Variants in FBXL17 observed in about 807,000 individuals in gnomAD.
The protein encoded by FBXL17 is F-box and leucine rich repeat protein 17.
FBXL17 carries 22 observed loss-of-function variants against 66.2 expected under a neutral mutation model. That is an observed-to-expected ratio of 0.33 (90% confidence interval 0.24 to 0.47). The LOEUF is 0.47. Among genes scored for constraint, FBXL17 ranks in the 20% least tolerant of loss-of-function variants. The pLI is 1.00. For synonymous variants in FBXL17, 474 were observed against 400.5 expected, an observed-to-expected ratio of 1.18 and a Z score of -2.19; for missense variants, 878 against 948.2, an observed-to-expected ratio of 0.93 and a Z score of 0.97.
chr5:108,157,949 A>C (rs1361867655), intron 6 of FBXL17, among the ~76,000 whole-genome samples: 1 of 152,074 alleles, frequency 6.6e-6, no homozygotes, highest in African/African-American at 2.4e-5. Flanking sequence ...AAGAAAAAGA[A>C]AAGAGGGAAA....
intron 7 of FBXL17, among the ~76,000 whole-genome samples, chr5:107,989,980 C>T (rs1002060267): frequency 6.6e-6 from 1 of 152,194 alleles, no homozygotes; most frequent in African/African-American, 2.4e-5. Context: ...TTCTCTTCCC[C>T]TAACCCCTTT....
intron 5 of FBXL17, among the ~76,000 whole-genome samples, chr5:108,214,158 A>T (rs1020574887): frequency 1.3e-5 from 2 of 152,152 alleles, no homozygotes; most frequent in African/African-American, 4.8e-5. Flanking sequence ...TATTGTGCCT[A>T]GTTGATGAAT....
rs544651862 is a variant in FBXL17, at chr5:108,380,178, T to C, written c.993+521A>G. ...AGTTTCTTCCTGTATAAAATAAAGATATTAACAGTATTTATCTCGAAGCGT... is the reference window on the plus strand; with the variant it reads ...AGTTTCTTCCTGTATAAAATAAAGACATTAACAGTATTTATCTCGAAGCGT... On this transcript the variant is annotated intron_variant, in intron 1 of 8. Transcript: ENST00000542267. 4.6e-5 allele frequency among the ~76,000 whole-genome samples: 7 copies of C among 152,254 alleles called. No individual in the cohort carries two copies. In the South Asian group the frequency reaches 1.2e-3, roughly 27 times the overall value.
At chr5:108,194,203 G>A (rs751946779) in intron 5 of FBXL17, among the ~76,000 whole-genome samples, 8 of 152,104 alleles carry the variant, frequency 5.3e-5, no homozygotes, top group Non-Finnish European at 7.4e-5. Context: ...ATTTTGAGAA[G>A]TTGTTCTCAC....
At chr5:108,174,438 A>G (rs1752717080) in intron 6 of FBXL17, among the ~76,000 whole-genome samples, 1 of 152,154 alleles carries the variant, frequency 6.6e-6, no homozygotes, top group Non-Finnish European at 1.5e-5. Context: ...CAGAAAAGCA[A>G]TTAGCCTAAA....
intron 7 of FBXL17, among the ~76,000 whole-genome samples, chr5:107,953,226 C>T (rs1003891731): frequency 2.8e-4 from 43 of 151,836 alleles, no homozygotes; most frequent in Non-Finnish European, 6.3e-4. Flanking sequence ...CACGGTGAAA[C>T]CCCGTCTCTA....
At chr5:107,947,289 TCTTC>T (rs1305135013) in intron 7 of FBXL17, among the ~76,000 whole-genome samples, 1 of 152,276 alleles carries the variant, frequency 6.6e-6, no homozygotes, top group African/African-American at 2.4e-5. Context: ...GTCTCATGCC[TCTTC>T]CTTCCTATGG....
At chr5:108,267,359 A>G (rs924207018) in intron 4 of FBXL17, among the ~76,000 whole-genome samples, 2 of 152,096 alleles carry the variant, frequency 1.3e-5, no homozygotes, top group Non-Finnish European at 2.9e-5. Flanking sequence ...GAAATTTCAC[A>G]TAACCACAAA....
chr5:108,130,200 C>T (rs1048650846), intron 6 of FBXL17, among the ~76,000 whole-genome samples: 4 of 150,842 alleles, frequency 2.7e-5, no homozygotes, highest in South Asian at 2.1e-4. Context: ...ACAGGTTTGG[C>T]GAAGTCAAAA....
chr5:107,984,471 G>A (rs573785241), intron 7 of FBXL17, among the ~76,000 whole-genome samples: 24 of 152,144 alleles, frequency 1.6e-4, no homozygotes, highest in African/African-American at 5.5e-4. Flanking sequence ...CTAGTTCCAG[G>A]GTATAGCAAG....
intron 6 of FBXL17, among the ~76,000 whole-genome samples, chr5:108,045,914 TG>T (rs1009700705): frequency 2.0e-5 from 3 of 152,226 alleles, no homozygotes; most frequent in African/African-American, 7.2e-5. Context: ...CATGGTTACT[TG>T]AAAAGAATGT....
At chr5:108,070,658 G>C (rs1417921635) in intron 6 of FBXL17, among the ~76,000 whole-genome samples, 1 of 152,110 alleles carries the variant, frequency 6.6e-6, no homozygotes, top group Non-Finnish European at 1.5e-5. Context: ...TGAAAACATA[G>C]ATATAAAGAT....
At chr5:108,300,109 T>TG (rs1440838258) in intron 4 of FBXL17, among the ~76,000 whole-genome samples, 1 of 152,062 alleles carries the variant, frequency 6.6e-6, no homozygotes, top group Non-Finnish European at 1.5e-5. Context: ...GAATAATCAC[T>TG]GCTTATACAA....
chr5:108,304,751 T>C (rs1217362707), intron 4 of FBXL17, among the ~76,000 whole-genome samples: 3 of 151,984 alleles, frequency 2.0e-5, no homozygotes, highest in Non-Finnish European at 2.9e-5. Flanking sequence ...CATTTGGTAT[T>C]TCTACCCTCA....
intron 6 of FBXL17, among the ~76,000 whole-genome samples, chr5:108,184,999 G>A (rs867672253): frequency 1.3e-5 from 2 of 152,022 alleles, no homozygotes; most frequent in South Asian, 2.1e-4. Context: ...TAGTGCTAGC[G>A]CTACTCTGTT....
At position 107,994,611 on chromosome 5, in the gene FBXL17, G is replaced by A. The variant is rs569143014; in HGVS notation, c.1822+26314C>T. ...TCCCAGCACTTTGGGAGGCTGAGGT[G>A]GGTGGATTATGAGGTCAGGAGTTCA... On this transcript the variant is annotated intron_variant, in intron 7 of 8. Coordinates refer to ENST00000542267, the MANE Select transcript of FBXL17 (RefSeq NM_001163315.3). 5.9e-5 allele frequency among the ~76,000 whole-genome samples: 9 copies of A among 152,228 alleles called. No homozygotes were observed. In the South Asian group the frequency reaches 1.9e-3, roughly 32 times the overall value.
chr5:107,879,120 G>T (rs1325264800), intron 8 of FBXL17: 3 of 985,318 alleles, frequency 3.0e-6, no homozygotes, highest in Admixed American at 6.1e-5. Context: ...ACATTCTCCT[G>T]TAGTAACTGT....
At chr5:108,182,922 C>T (rs192467885) in intron 6 of FBXL17, among the ~76,000 whole-genome samples, 17 of 152,122 alleles carry the variant, frequency 1.1e-4, no homozygotes, top group Admixed American at 5.2e-4. Flanking sequence ...AAGTATAGAC[C>T]GTATCTTATT....
At chr5:108,369,577 T>G (rs1361380616) in intron 1 of FBXL17, among the ~76,000 whole-genome samples, 2 of 151,968 alleles carry the variant, frequency 1.3e-5, no homozygotes, top group Non-Finnish European at 2.9e-5. Context: ...TCTGAATGTA[T>G]TCCATGTCAA....
Sources: allele counts gnomAD v4.1 joint callset (sites outside exome capture counted in the v4.1 genomes callset), GRCh38; gene constraint gnomAD v4.1.1; transcripts MANE v1.5; gene names NCBI Gene and HGNC (gene_info 2026-07-23, HGNC 2026-07-21).